Variants in NCOA2 observed in about 807,000 individuals in gnomAD.
The protein encoded by NCOA2 is class E basic helix-loop-helix protein 75.
NCOA2 carries 21 observed loss-of-function variants against 145.1 expected under a neutral mutation model. That is an observed-to-expected ratio of 0.14 (90% CI 0.10 to 0.21). The LOEUF (loss-of-function observed/expected upper bound fraction) is 0.21, where lower values mean the gene tolerates loss of function less well. Ranked by LOEUF, NCOA2 falls within the 10% of genes least tolerant of loss-of-function variation. The pLI is 1.00. For missense variants in NCOA2, 1,472 were observed against 1,837.6 expected (o/e 0.80, Z 3.64); for synonymous variants, 619 against 637.5 (o/e 0.97, Z 0.44).
At chr8:70,135,293 T>C (rs1405589412) in intron 15 of NCOA2, among the ~76,000 whole-genome samples, 1 of 152,190 alleles carries the variant, frequency 6.6e-6, no homozygotes, top group East Asian at 1.9e-4. Flanking sequence ...CCACTTACTG[T>C]GCTATGCTGA....
intron 2 of NCOA2, among the ~76,000 whole-genome samples, chr8:70,278,009 T>C (rs1444419332): frequency 6.6e-6 from 1 of 152,192 alleles, no homozygotes; most frequent in African/African-American, 2.4e-5. Context: ...TTTTAGAACA[T>C]TATTAACACT....
At chr8:70,263,448 G>A (rs939819326) in intron 2 of NCOA2, among the ~76,000 whole-genome samples, 2 of 151,860 alleles carry the variant, frequency 1.3e-5, no homozygotes, top group African/African-American at 2.4e-5. Flanking sequence ...AGATTACTCC[G>A]TTTCATGTAA....
chr8:70,156,854 G>C lies in NCOA2; in HGVS notation c.1511C>G (p.Pro504Arg). ...PGVAGSPRIP[P>R]SQFSPAGSLH... ...GCTTCCTGCAGGGGAAAACTGACTGGGTGGGATTCGAGGGCTGCCAGCCAC... is the reference window on the plus strand; with the variant it reads ...GCTTCCTGCAGGGGAAAACTGACTGCGTGGGATTCGAGGGCTGCCAGCCAC... Residue 504 changes from proline (P) to arginine (R), a missense_variant, in exon 11 of 23, where the codon CCC becomes CGC. This residue lies in a region of NCOA2 where 953 missense variants were observed against 1,062.1 expected (regional missense o/e 0.90). Transcript: ENST00000452400. 6.2e-7 allele frequency: 1 copy of C among 1,614,000 alleles called. No individual in the cohort carries two copies. The highest frequency in any genetic ancestry group is 2.2e-5 in the East Asian group (1 of 44,882).
intron 3 of NCOA2, among the ~76,000 whole-genome samples, chr8:70,215,766 T>A (rs1429954511): frequency 6.6e-6 from 1 of 152,248 alleles, no homozygotes; most frequent in East Asian, 1.9e-4. Context: ...TTTGCCCAGT[T>A]CTCATCCACC....
intron 1 of NCOA2, among the ~76,000 whole-genome samples, chr8:70,386,412 TG>T (rs1221143056): frequency 6.6e-6 from 1 of 152,172 alleles, no homozygotes; most frequent in African/African-American, 2.4e-5. Context: ...ATGGATCATC[TG>T]GGGAAGCAGC....
intron 1 of NCOA2, among the ~76,000 whole-genome samples, chr8:70,306,592 C>T (rs1186775019): frequency 1.3e-5 from 2 of 152,170 alleles, no homozygotes; most frequent in Admixed American, 6.5e-5. Flanking sequence ...ATAAATTTTA[C>T]ATGCTGGTCG....
chr8:70,387,505 G>GT (rs1171324262), intron 1 of NCOA2, among the ~76,000 whole-genome samples: 1 of 152,144 alleles, frequency 6.6e-6, no homozygotes, highest in Non-Finnish European at 1.5e-5. Flanking sequence ...GGAAAGGACA[G>GT]TAACGCTTCA....
chr8:70,198,850 CG>C (rs1426284816), intron 4 of NCOA2, among the ~76,000 whole-genome samples: 1 of 152,038 alleles, frequency 6.6e-6, no homozygotes, highest in African/African-American at 2.4e-5. Flanking sequence ...GAGGAGAAAA[CG>C]GGTTTGGTTT....
At chr8:70,348,721 G>A (rs1357551201) in intron 1 of NCOA2, among the ~76,000 whole-genome samples, 1 of 152,140 alleles carries the variant, frequency 6.6e-6, no homozygotes, top group African/African-American at 2.4e-5. Flanking sequence ...GAGTGGCAGT[G>A]CCAATTAATA....
intron 11 of NCOA2, among the ~76,000 whole-genome samples, chr8:70,152,110 T>C (rs909614319): frequency 2.6e-5 from 4 of 152,264 alleles, no homozygotes; most frequent in South Asian, 2.1e-4. Context: ...AAGTTTTGCT[T>C]AGGCATCTAT....
the NCOA2 span, among the ~76,000 whole-genome samples, chr8:70,448,998 G>T: frequency 0.012 from 1,879 of 152,064 alleles, 37 homozygotes; most frequent in African/African-American, 0.043. Context: ...TAGAGATGGG[G>T]TCTTACTGTG....
intron 22 of NCOA2, among the ~76,000 whole-genome samples, chr8:70,120,683 T>C (rs944586016): frequency 1.3e-5 from 2 of 152,140 alleles, no homozygotes; most frequent in Admixed American, 6.5e-5. Context: ...ACTGTGCCAC[T>C]GCATTCCAGC....
At position 70,113,764 on chromosome 8, in the gene NCOA2, C is replaced by T. The variant is rs189729804; in HGVS notation, c.4384-121G>A. The T allele has an allele frequency of 8.1e-5, 77 of 948,902 alleles. No individual in the cohort carries two copies. The African/African-American group carries it at 1.0e-3, about 12-fold the overall frequency. The allele number at this position is 948,902 out of a possible 1,614,324, so 58.8% of individuals were successfully genotyped here. A position where few individuals can be genotyped will look rare whatever the true frequency, so the allele number is the denominator to read the frequency against. ...TTTCAATAAAGCAAATCACAGAGGC[C>T]GCATCTGGATGAGTACATTCGATGT... On this transcript the variant is annotated intron_variant, in intron 22 of 22. Transcript: ENST00000452400.
the NCOA2 span, among the ~76,000 whole-genome samples, chr8:70,450,160 G>T: frequency 6.6e-6 from 1 of 152,148 alleles, no homozygotes; most frequent in Non-Finnish European, 1.5e-5. Context: ...TGCCCTTCTG[G>T]ACTCCCTAGC....
At chr8:70,436,124 C>CA in the NCOA2 span, among the ~76,000 whole-genome samples, 4 of 151,866 alleles carry the variant, frequency 2.6e-5, no homozygotes, top group Non-Finnish European at 5.9e-5. Flanking sequence ...GATACCAAAA[C>CA]AAAAAACAAA....
chr8:70,372,553 G>C (rs1386635770), intron 1 of NCOA2, among the ~76,000 whole-genome samples: 2 of 152,134 alleles, frequency 1.3e-5, no homozygotes, highest in African/African-American at 2.4e-5. Flanking sequence ...TGTGTGGCTA[G>C]GAAGTAGGGG....
intron 2 of NCOA2, among the ~76,000 whole-genome samples, chr8:70,247,592 C>G (rs925320988): frequency 1.3e-5 from 2 of 152,132 alleles, no homozygotes; most frequent in Admixed American, 1.3e-4. Flanking sequence ...TAGCAAAAAA[C>G]TGCAGGGGGT....
upstream of NCOA2, among the ~76,000 whole-genome samples, chr8:70,406,387 A>T (rs1000077307): frequency 6.6e-6 from 1 of 152,236 alleles, no homozygotes; most frequent in Non-Finnish European, 1.5e-5. Flanking sequence ...ATGATAATGT[A>T]AAATGAAAAG....
chr8:70,352,588 C>T (rs548064068), intron 1 of NCOA2, among the ~76,000 whole-genome samples: 5 of 152,212 alleles, frequency 3.3e-5, no homozygotes, highest in East Asian at 3.9e-4. Flanking sequence ...TCATTGACTG[C>T]CTATTATCTT....
Sources: allele counts gnomAD v4.1 joint callset (sites outside exome capture counted in the v4.1 genomes callset), GRCh38; gene constraint gnomAD v4.1.1; regional missense constraint gnomAD v4.1.1; transcripts MANE v1.5; gene names NCBI Gene and HGNC (gene_info 2026-07-23, HGNC 2026-07-21).